MMP26: variants seen among roughly 807,000 people sequenced by gnomAD.
MMP26 encodes matrix metallopeptidase 26.
In MMP26, 33 loss-of-function variants were observed where a neutral mutation model predicts 31.0. The observed-to-expected ratio is 1.06, with a 90% confidence interval of 0.81 to 1.42. The LOEUF (loss-of-function observed/expected upper bound fraction) is 1.42, where lower values mean the gene tolerates loss of function less well. Ranked by LOEUF, MMP26 falls within the 40% of genes most tolerant of loss-of-function variation. The probability of loss-of-function intolerance (pLI) is 0.00; values close to 1 mark genes in which losing one functional copy is unlikely to be tolerated. For synonymous variants in MMP26, 122 were observed against 114.9 expected (o/e 1.06, Z -0.40); for missense variants, 347 against 316.1 (o/e 1.10, Z -0.74).
chr11:4,714,713 T>C (rs1419397612), intron 1 of MMP26, among the ~76,000 whole-genome samples: 1 of 152,116 alleles, frequency 6.6e-6, no homozygotes, highest in African/African-American at 2.4e-5. Context: ...CAATATCACT[T>C]ACTCTGTAAT....
intron 2 of MMP26, among the ~76,000 whole-genome samples, chr11:4,792,349 T>G (rs1433908): frequency 0.39 from 58,691 of 151,988 alleles, 12,815 homozygotes; most frequent in African/African-American, 0.57. Context: ...TTAACGGGCC[T>G]AAGTACAAAA....
chr11:4,796,196 G>A (rs749240258), intron 2 of MMP26, among the ~76,000 whole-genome samples: 1 of 152,164 alleles, frequency 6.6e-6, no homozygotes, highest in Non-Finnish European at 1.5e-5. Context: ...GTTTCTCCTG[G>A]TTCTCTTATG....
chr11:4,843,832 CT>C (rs1849830325), intron 2 of MMP26, among the ~76,000 whole-genome samples: 1 of 152,182 alleles, frequency 6.6e-6, no homozygotes, highest in African/African-American at 2.4e-5. Flanking sequence ...TTCTGCTTCC[CT>C]TTTAAATATA....
At chr11:4,724,026 G>A in intron 1 of MMP26, 1 of 682,682 alleles carries the variant, frequency 1.5e-6, no homozygotes, top group South Asian at 1.6e-5. Context: ...CTCCACCCAG[G>A]CTACCCCGGA....
intron 2 of MMP26, among the ~76,000 whole-genome samples, chr11:4,791,398 G>A (rs1184320407): frequency 2.0e-5 from 3 of 152,090 alleles, no homozygotes; most frequent in Admixed American, 2.0e-4. Context: ...ATTTAAGAGA[G>A]TTTTACTAAC....
chr11:4,932,507 T>G (rs182469977), intron 2 of MMP26, among the ~76,000 whole-genome samples: 1 of 152,130 alleles, frequency 6.6e-6, no homozygotes, highest in South Asian at 2.1e-4. Flanking sequence ...GAGAGGCATA[T>G]GTAGGCGCTT....
chr11:4,921,439 G>A (rs1851183299), intron 2 of MMP26, among the ~76,000 whole-genome samples: 1 of 152,210 alleles, frequency 6.6e-6, no homozygotes, highest in African/African-American at 2.4e-5. Context: ...AGATCCGTGA[G>A]GGATTCAAGT....
chr11:4,751,951 A>G (rs1848451907), intron 1 of MMP26: 1 of 152,176 alleles, frequency 6.6e-6, no homozygotes, highest in African/African-American at 2.4e-5. Context: ...CAACTCTAAA[A>G]TTGCATGCAT....
At chr11:4,991,921 A>C in intron 6 of MMP26, 43 bp from the exon 7 acceptor site, 1 of 1,477,016 alleles carries the variant, frequency 6.8e-7, no homozygotes, top group Non-Finnish European at 9.1e-7. Context: ...AGCATTCCCT[A>C]TGCATAGTTA....
At chr11:4,882,322 G>C in intron 2 of MMP26, 2 of 1,613,940 alleles carry the variant, frequency 1.2e-6, no homozygotes, top group Middle Eastern at 3.3e-4. Context: ...TCACAGACAG[G>C]ATGGTCCTGG....
At chr11:4,753,164 G>A (rs1039134276) in intron 1 of MMP26, among the ~76,000 whole-genome samples, 3 of 152,064 alleles carry the variant, frequency 2.0e-5, no homozygotes, top group Non-Finnish European at 2.9e-5. Context: ...ATTGAACATG[G>A]CCAGCATCCC....
At chr11:4,750,518 G>A (rs1848434711) in intron 1 of MMP26, among the ~76,000 whole-genome samples, 1 of 151,986 alleles carries the variant, frequency 6.6e-6, no homozygotes, top group African/African-American at 2.4e-5. Flanking sequence ...TGGAATAACT[G>A]TAAGTGTCCA....
At chr11:4,761,305 T>A (rs78425414) in intron 1 of MMP26, among the ~76,000 whole-genome samples, 2 of 152,230 alleles carry the variant, frequency 1.3e-5, no homozygotes, top group Non-Finnish European at 2.9e-5. Context: ...AATTAAGTCC[T>A]GTTTCTGATC....
intron 2 of MMP26, among the ~76,000 whole-genome samples, chr11:4,926,233 G>A (rs1470705199): frequency 1.3e-5 from 2 of 151,224 alleles, no homozygotes; most frequent in East Asian, 3.9e-4. Context: ...GCAAAAAAAA[G>A]GGATATAAAG....
chr11:4,858,419 C>T (rs1850089569), intron 2 of MMP26, among the ~76,000 whole-genome samples: 2 of 152,048 alleles, frequency 1.3e-5, no homozygotes, highest in Non-Finnish European at 2.9e-5. Flanking sequence ...ACAAGCATTC[C>T]TATACACCAA....
intron 2 of MMP26, among the ~76,000 whole-genome samples, chr11:4,935,351 G>A (rs908554372): frequency 6.6e-6 from 1 of 151,908 alleles, no homozygotes; most frequent in Admixed American, 6.6e-5. Flanking sequence ...GCGAATGGGA[G>A]TTCACTCATG....
At chr11:4,869,400 G>A (rs1235356168) in intron 2 of MMP26, among the ~76,000 whole-genome samples, 1 of 152,154 alleles carries the variant, frequency 6.6e-6, no homozygotes, top group Admixed American at 6.5e-5. Flanking sequence ...ATCAAAAAGT[G>A]GGCGAAGGAT....
chr11:4,824,036 G>A lies in MMP26; in HGVS notation c.-145+56695G>A, dbSNP rs138493940. ...TTGGGTATTCTTTGTTTAATGAACA[G>A]TTACATTTGTAAATGACCTTAGACT... is the stretch of plus-strand genomic sequence containing the variant. On this transcript the variant is annotated intron_variant, in intron 2 of 7. Coordinates refer to ENST00000380390, the MANE Select transcript of MMP26 (RefSeq NM_021801.5). 1.5e-4 allele frequency among the ~76,000 whole-genome samples: 23 copies of A among 152,222 alleles called. No individual in the cohort carries two copies. In the East Asian group the frequency reaches 4.4e-3, roughly 29 times the overall value.
intron 2 of MMP26, among the ~76,000 whole-genome samples, chr11:4,796,115 C>A (rs1849105339): frequency 1.3e-5 from 2 of 152,172 alleles, no homozygotes; most frequent in Non-Finnish European, 2.9e-5. Flanking sequence ...TAACCTACAG[C>A]TGCAGTTCCC....
Sources: gnomAD v4.1 joint callset for allele counts (sites outside exome capture counted in the v4.1 genomes callset) on GRCh38, gnomAD v4.1.1 for gene constraint, MANE v1.5 for transcripts, NCBI Gene and HGNC (gene_info 2026-07-23, HGNC 2026-07-21) for gene names.